SLC2A7: variants seen among roughly 807,000 people sequenced by gnomAD.
The protein encoded by SLC2A7 is solute carrier family 2 member 7.
SLC2A7 carries 50 observed loss-of-function variants against 50.5 expected under a neutral mutation model. The ratio of observed to expected loss-of-function variants is 0.99; its 90% confidence interval spans 0.79 to 1.25. The LOEUF is 1.25. Ranked by LOEUF, SLC2A7 falls within the 50% of genes most tolerant of loss-of-function variation. SLC2A7 has a pLI of 0.00. For missense variants in SLC2A7, 683 were observed against 679.1 expected (o/e 1.01, Z -0.06); for synonymous variants, 308 against 300.4 (o/e 1.03, Z -0.26).
chr1:9,006,138 T>TG (rs1467531957), intron 10 of SLC2A7, among the ~76,000 whole-genome samples: 6 of 152,196 alleles, frequency 3.9e-5, no homozygotes, highest in Non-Finnish European at 8.8e-5. Flanking sequence ...ACACAGGCAG[T>TG]GGGGGCAGAA....
rs750218133 is a variant in SLC2A7, at chr1:9,025,041, T to G, written c.85A>C (p.Ser29Arg). 1.1e-5 allele frequency: 17 copies of G among 1,613,740 alleles called. No individual in the cohort carries two copies. Among genetic ancestry groups the G allele is most frequent in the Non-Finnish European group, 1.4e-5 (17 of 1,179,990 alleles). ...TGGAAGGCTGAGCCAAAGGCCGCGC[T>G]CAGTGTCGCCAGCAACAGCGTCGGC... ...LQPTLLLATL[S>R]AAFGSAFQYG... Residue 29 changes from serine (S) to arginine (R), a missense_variant, in exon 2 of 12, where the codon AGC (serine) becomes CGC (arginine). Transcript: ENST00000400906.
intron 5 of SLC2A7, among the ~76,000 whole-genome samples, chr1:9,017,505 C>A (rs1640848304): frequency 6.6e-6 from 1 of 152,210 alleles, no homozygotes; most frequent in Admixed American, 6.5e-5. Flanking sequence ...CGGGGTCTCC[C>A]CACTCAGTCC....
Position 9,007,435 on chromosome 1 carries a change from C to T in SLC2A7, c.1117-50G>A, listed in dbSNP as rs201841816. Reference sequence around the variant, plus strand: ...GGGCTGAGGCCAGGAGCCCCACGTGCGGGGGGGTCCACCTGCGGGTCCCAC... The same window carrying T: ...GGGCTGAGGCCAGGAGCCCCACGTGTGGGGGGGTCCACCTGCGGGTCCCAC... On this transcript the variant is annotated intron_variant, in intron 9 of 11. Coordinates refer to ENST00000400906, the MANE Select transcript of SLC2A7 (RefSeq NM_207420.3). 3.2e-4 allele frequency: 508 copies of T among 1,582,490 alleles called. 1 individual carries two copies. Among genetic ancestry groups the T allele is most frequent in the Admixed American group, 1.3e-3 (74 of 58,388 alleles).
chr1:9,000,764 G>C (rs1237335706), downstream of SLC2A7, among the ~76,000 whole-genome samples: 5 of 151,688 alleles, frequency 3.3e-5, no homozygotes, highest in African/African-American at 1.2e-4. Context: ...GTGTGTGTGT[G>C]TGTGTGTGTG....
Position 9,008,072 on chromosome 1 carries a change from C to G in SLC2A7, c.1117-687G>C, listed in dbSNP as rs763734273. Among the ~76,000 whole-genome samples the G allele has an allele frequency of 1.3e-5, 2 of 152,060 alleles. No homozygotes were observed. The highest frequency in any genetic ancestry group is 2.9e-5 in the Non-Finnish European group (2 of 68,000). The stretch of plus-strand genomic sequence containing the variant: ...CCATTCTCTGGAGACTCCTAGGACC[C>G]CCGGACCCGTGGAGCTGGCAGACCA... On this transcript the variant is annotated intron_variant, in intron 9 of 11. Coordinates refer to ENST00000400906, the MANE Select transcript of SLC2A7 (RefSeq NM_207420.3). This position sits in a 1 kb window ranked among gnomAD's most constrained non-coding sequence, Gnocchi z 5.9.
downstream of SLC2A7, among the ~76,000 whole-genome samples, chr1:9,000,785 A>T (rs879518216): frequency 9.6e-3 from 884 of 92,086 alleles, 5 homozygotes; most frequent in Non-Finnish European, 1.0e-2. Flanking sequence ...TGTGTGTGTG[A>T]CTCTGTCTCC....
At chr1:9,007,260 C>T (rs895250512) in intron 10 of SLC2A7, 50 bp downstream of exon 10, 13 of 1,600,168 alleles carry the variant, frequency 8.1e-6, no homozygotes, top group South Asian at 1.1e-5. Context: ...TGTGTCAGGC[C>T]CAGGAATGGA....
At chr1:8,995,380 G>A in the SLC2A7 span, among the ~76,000 whole-genome samples, 8 of 151,454 alleles carry the variant, frequency 5.3e-5, no homozygotes, top group Non-Finnish European at 1.0e-4. Context: ...CCCGGGAGGC[G>A]GAACTTGCAG....
At chr1:9,004,974 C>T in intron 10 of SLC2A7, 95 bp from the exon 11 acceptor site, 4 of 1,387,486 alleles carry the variant, frequency 2.9e-6, no homozygotes, top group Middle Eastern at 5.2e-4. Flanking sequence ...GACCTAGGAC[C>T]CTCAAGAGTA....
rs569806120 is a variant in SLC2A7 at position 9,020,711 on chromosome 1, G to A, written c.312-1378C>T. 2.6e-3 allele frequency among the ~76,000 whole-genome samples: 373 copies of A among 145,792 alleles called. 2 individuals carry two copies. The highest frequency in any genetic ancestry group is 9.2e-3 in the African/African-American group (357 of 39,004). On this transcript the variant is annotated intron_variant, in intron 3 of 11. Coordinates refer to ENST00000400906, the MANE Select transcript of SLC2A7 (RefSeq NM_207420.3). Reference sequence around the variant, plus strand: ...TTTTGAGATGGAGTCTTGCTCTGTCGCCCAGGCTAGAGTGCAATGGTGGGA... The same window carrying A: ...TTTTGAGATGGAGTCTTGCTCTGTCACCCAGGCTAGAGTGCAATGGTGGGA...
the SLC2A7 span, among the ~76,000 whole-genome samples, chr1:8,993,918 C>T: frequency 3.2e-3 from 484 of 152,284 alleles, 6 homozygotes; most frequent in African/African-American, 0.011. Context: ...TGAGCCACAG[C>T]GCCTGGCCAC....
chr1:9,026,417 A>C lies in SLC2A7; in HGVS notation c.-72T>G. On this transcript the variant is annotated 5_prime_UTR_variant, in exon 1 of 12. Coordinates refer to ENST00000400906, the MANE Select transcript of SLC2A7 (RefSeq NM_207420.3). ...CCTGCTCTGCGCCAGCCACCTAAAG[A>C]CCGGCTGTTTCTCCCCTGGGCCTAC... The C allele has an allele frequency of 1.4e-6, 2 of 1,453,350 alleles. No individual in the cohort carries two copies. The highest frequency in any genetic ancestry group is 1.9e-6 in the Non-Finnish European group (2 of 1,075,740). The allele number at this position is 1,453,350 out of a possible 1,614,324, so 90.0% of individuals were successfully genotyped here. A position where few individuals can be genotyped will look rare whatever the true frequency, so the allele number is the denominator to read the frequency against.
At chr1:9,002,087 C>T (rs28770818), downstream of SLC2A7, among the ~76,000 whole-genome samples, 1 of 152,000 alleles carries the variant, frequency 6.6e-6, no homozygotes, top group Non-Finnish European at 1.5e-5. Flanking sequence ...TCTCCATTGT[C>T]GAGTACCCAG....
chr1:9,024,089 C>T (rs1454974380), intron 2 of SLC2A7, among the ~76,000 whole-genome samples: 3 of 152,064 alleles, frequency 2.0e-5, no homozygotes, highest in Non-Finnish European at 4.4e-5. Flanking sequence ...CTCCTGATTT[C>T]AGGTGATCAG....
intron 10 of SLC2A7, among the ~76,000 whole-genome samples, chr1:9,005,270 C>G (rs574733980): frequency 6.6e-6 from 1 of 152,166 alleles, no homozygotes; most frequent in Non-Finnish European, 1.5e-5. Flanking sequence ...GACTTGAGAC[C>G]GCCCGCGCTT....
At chr1:9,004,324 C>T (rs1318706805) in intron 11 of SLC2A7, among the ~76,000 whole-genome samples, 3 of 72,490 alleles carry the variant, frequency 4.1e-5, no homozygotes, top group Admixed American at 2.6e-4. Flanking sequence ...CAGAGCAAGG[C>T]CCTGTCTAAA....
rs985172978 is a variant in SLC2A7 at position 9,008,779 on chromosome 1, T to A, written c.1116+1364A>T. Among the ~76,000 whole-genome samples, 1 of 152,086 alleles carries A rather than the reference T, an allele frequency of 6.6e-6. No individual in the cohort carries two copies. The highest frequency in any genetic ancestry group is 2.4e-5 in the African/African-American group (1 of 41,404). ...ACCCGACTAAATTTTGTATTTTTAA[T>A]AGAGACGGGGTTTCACCACGTGGTC... On this transcript the variant is annotated intron_variant, in intron 9 of 11. Coordinates refer to ENST00000400906, the MANE Select transcript of SLC2A7 (RefSeq NM_207420.3). The surrounding 1 kb of genome is among the most constrained non-coding windows in gnomAD (Gnocchi z 5.9).
At chr1:9,021,404 A>G (rs1640911181) in intron 3 of SLC2A7, among the ~76,000 whole-genome samples, 1 of 152,180 alleles carries the variant, frequency 6.6e-6, no homozygotes, top group African/African-American at 2.4e-5. Context: ...AGCTGTCAGC[A>G]GCCCCAGGAC....
At chr1:9,005,161 A>G (rs1640636468) in intron 10 of SLC2A7, among the ~76,000 whole-genome samples, 1 of 152,180 alleles carries the variant, frequency 6.6e-6, no homozygotes, top group Non-Finnish European at 1.5e-5. Flanking sequence ...CAGAAAGTAA[A>G]TGGATGGGAA....
Sources: allele counts gnomAD v4.1 joint callset (sites outside exome capture counted in the v4.1 genomes callset), GRCh38; gene constraint gnomAD v4.1.1; non-coding constraint Gnocchi (gnomAD v3.1); transcripts MANE v1.5; gene names NCBI Gene and HGNC (gene_info 2026-07-23, HGNC 2026-07-21).